Variants in OSBPL3 observed in about 807,000 individuals in gnomAD.
OSBPL3 encodes oxysterol-binding protein-related protein 3.
OSBPL3 carries 65 observed loss-of-function variants against 120.1 expected under a neutral mutation model. The ratio of observed to expected loss-of-function variants is 0.54; its 90% CI spans 0.44 to 0.67. The LOEUF is 0.67. Among genes scored for constraint, OSBPL3 ranks in the 30% least tolerant of loss-of-function variants. The pLI, the probability that OSBPL3 is intolerant of heterozygous loss-of-function variation, is 0.00. For missense variants in OSBPL3, 1,004 were observed against 1,082.1 expected, an observed-to-expected ratio of 0.93 and a Z score of 1.01; for synonymous variants, 416 against 402.6, an observed-to-expected ratio of 1.03 and a Z score of -0.40.
rs1280801159 is a variant in OSBPL3, at chr7:24,821,752, C to T, written c.1885-1514G>A. ...GCTGCTCTTTGGTTTGTCTTAGTTC[C>T]CATGTGCCTCCTAAGAACGTGAGCC... On this transcript the variant is annotated intron_variant, in intron 16 of 22. Coordinates refer to ENST00000313367, the MANE Select transcript of OSBPL3 (RefSeq NM_015550.4). The surrounding 1 kb of genome is among the most constrained non-coding windows in gnomAD (Gnocchi z 5.5). Among the ~76,000 whole-genome samples, 5 of 152,348 alleles carry T rather than the reference C, an allele frequency of 3.3e-5. No individual in the cohort carries two copies. The highest frequency in any genetic ancestry group is 7.3e-5 in the Non-Finnish European group (5 of 68,036).
At position 24,921,498 on chromosome 7, in the gene OSBPL3, C is replaced by A. The variant is rs544468373; in HGVS notation, c.-149-28877G>T. ...CGTTTGGTCATGTGCCCAGGCCAGC[C>A]CAGAGAGGCCTATGCAATGCACTTA... On this transcript the variant is annotated intron_variant, in intron 1 of 22. Transcript: ENST00000313367. Among the ~76,000 whole-genome samples the A allele has an allele frequency of 2.0e-5, 3 of 152,246 alleles. No individual in the cohort carries two copies. The South Asian group carries it at 6.2e-4, about 32-fold the overall frequency.
chr7:24,900,411 G>A lies in OSBPL3; in HGVS notation c.-149-7790C>T, dbSNP rs148285574. 1.0e-3 allele frequency among the ~76,000 whole-genome samples: 158 copies of A among 152,242 alleles called. No homozygotes were observed. The highest frequency in any genetic ancestry group is 3.0e-3 in the African/African-American group (126 of 41,536). On this transcript the variant is annotated intron_variant, in intron 1 of 22. Coordinates refer to ENST00000313367, the MANE Select transcript of OSBPL3 (RefSeq NM_015550.4). This position sits in a 1 kb window ranked among gnomAD's most constrained non-coding sequence, Gnocchi z 4.5. ...CCATTGTTTTTATCAATTAGCCTAC[G>A]GTAAAATTAGCTTCGTATATATCGT...
rs1256666367 is a variant in OSBPL3 at position 24,896,891 on chromosome 7, G to T, written c.-149-4270C>A. On this transcript the variant is annotated intron_variant, in intron 1 of 22. Transcript: ENST00000313367. The surrounding 1 kb of genome is among the most constrained non-coding windows in gnomAD (Gnocchi z 4.4). The stretch of plus-strand genomic sequence containing the variant: ...GTTCAAGACCAGCCTGGCCAACATG[G>T]TAAAACCCCATCTCTACTAAAAATA... 1.3e-5 allele frequency among the ~76,000 whole-genome samples: 2 copies of T among 152,132 alleles called. No individual in the cohort carries two copies. Among genetic ancestry groups the T allele is most frequent in the Non-Finnish European group, 2.9e-5 (2 of 68,032 alleles).
chr7:24,892,150 A>T (rs1584523999), intron 2 of OSBPL3, among the ~76,000 whole-genome samples: 1 of 152,290 alleles, frequency 6.6e-6, no homozygotes, highest in South Asian at 2.1e-4. Context: ...GGACAGTTGC[A>T]AGAATTAAAT....
rs1816148979 is a variant in OSBPL3 at position 24,964,419 on chromosome 7, C to T, written c.-150+15467G>A. Among the ~76,000 whole-genome samples the T allele has an allele frequency of 6.6e-6, 1 of 152,144 alleles. No homozygotes were observed. Among genetic ancestry groups the T allele is most frequent in the South Asian group, 2.1e-4 (1 of 4,828 alleles). On this transcript the variant is annotated intron_variant, in intron 1 of 22. Transcript: ENST00000313367. The surrounding 1 kb of genome is among the most constrained non-coding windows in gnomAD (Gnocchi z 4.2). The stretch of plus-strand genomic sequence containing the variant: ...TGATGTAATGAGAATGGCATTTTAC[C>T]TCTGTAATCTTCTTCCCCAAAACCC...
At chr7:24,837,898 G>A (rs1010187629) in intron 14 of OSBPL3, among the ~76,000 whole-genome samples, 3 of 152,134 alleles carry the variant, frequency 2.0e-5, no homozygotes, top group African/African-American at 7.2e-5. Flanking sequence ...ATAGAGACAG[G>A]TCCTAATATG....
chr7:24,844,852 G>A (rs1002833328), intron 12 of OSBPL3, among the ~76,000 whole-genome samples: 5 of 151,942 alleles, frequency 3.3e-5, no homozygotes, highest in African/African-American at 9.7e-5. Context: ...ATTTTATTTT[G>A]AAAAACTGGG....
intron 1 of OSBPL3, among the ~76,000 whole-genome samples, chr7:24,925,095 G>A (rs2128456524): frequency 6.6e-6 from 1 of 152,268 alleles, no homozygotes; most frequent in East Asian, 1.9e-4. Context: ...TAAATGACAT[G>A]ACCACAGAAT....
In OSBPL3 at chr7:24,900,098, T is replaced by C. The variant is rs1806769408; in HGVS notation, c.-149-7477A>G. ...AAGAGGGGCCCTAAGACTTGCAGCA[T>C]CATTATCACCTGGGACCTTGTTAGG... On this transcript the variant is annotated intron_variant, in intron 1 of 22. Transcript: ENST00000313367. The surrounding 1 kb of genome is among the most constrained non-coding windows in gnomAD (Gnocchi z 4.5). Among the ~76,000 whole-genome samples, 1 of 152,178 alleles carries C rather than the reference T, an allele frequency of 6.6e-6. No individual in the cohort carries two copies.
rs1050260691 is a variant in OSBPL3 at position 24,964,275 on chromosome 7, G to A, written c.-150+15611C>T. Among the ~76,000 whole-genome samples the A allele has an allele frequency of 1.3e-5, 2 of 152,152 alleles. No homozygotes were observed. Among genetic ancestry groups the A allele is most frequent in the East Asian group, 1.9e-4 (1 of 5,200 alleles). On this transcript the variant is annotated intron_variant, in intron 1 of 22. Coordinates refer to ENST00000313367, the MANE Select transcript of OSBPL3 (RefSeq NM_015550.4). This position sits in a 1 kb window ranked among gnomAD's most constrained non-coding sequence, Gnocchi z 4.2. ...ACTTACTTCCAAAGAGTATAGTATG[G>A]AAAGGCGAAGAAAAAATAACCATAT...
At chr7:24,944,484 G>A (rs1206751580) in intron 1 of OSBPL3, among the ~76,000 whole-genome samples, 1 of 152,040 alleles carries the variant, frequency 6.6e-6, no homozygotes, top group African/African-American at 2.4e-5. Context: ...AAAAAAATTA[G>A]CCGGGCATGG....
intron 1 of OSBPL3, among the ~76,000 whole-genome samples, chr7:24,945,235 A>G (rs577757393): frequency 1.7e-4 from 26 of 152,098 alleles, no homozygotes; most frequent in Non-Finnish European, 3.2e-4. Flanking sequence ...CAGGCTAAAC[A>G]TCTCCATTTA....
chr7:24,878,513 CT>C (rs1354236934), intron 2 of OSBPL3, among the ~76,000 whole-genome samples: 2 of 152,096 alleles, frequency 1.3e-5, no homozygotes, highest in Non-Finnish European at 2.9e-5. Flanking sequence ...TCAATATTAC[CT>C]TTTATGATTG....
rs886334329 is a variant in OSBPL3, at chr7:24,833,858, C to T, written c.1746+628G>A. On this transcript the variant is annotated intron_variant, in intron 15 of 22. Coordinates refer to ENST00000313367, the MANE Select transcript of OSBPL3 (RefSeq NM_015550.4). This position sits in a 1 kb window ranked among gnomAD's most constrained non-coding sequence, Gnocchi z 4.4. ...TGAGATGGGGGAAAGATGAGAAATA[C>T]TTGGAAGCCCTTTTAAAAGCCAGCA... Among the ~76,000 whole-genome samples, 3 of 152,180 alleles carry T rather than the reference C, an allele frequency of 2.0e-5. No individual in the cohort carries two copies. Among genetic ancestry groups the T allele is most frequent in the African/African-American group, 7.2e-5 (3 of 41,440 alleles).
chr7:24,979,819 C>G (rs1002977949), intron 1 of OSBPL3, 67 bp downstream of exon 1: 3 of 924,436 alleles, frequency 3.2e-6, no homozygotes, highest in Non-Finnish European at 3.9e-6. Flanking sequence ...GCAGCCCTTC[C>G]GAGCCCGCGC....
chr7:24,933,341 T>C lies in OSBPL3; in HGVS notation c.-149-40720A>G, dbSNP rs1298750826. Among the ~76,000 whole-genome samples the C allele has an allele frequency of 6.6e-6, 1 of 152,116 alleles. No homozygotes were observed. The highest frequency in any genetic ancestry group is 2.4e-5 in the African/African-American group (1 of 41,414). On this transcript the variant is annotated intron_variant, in intron 1 of 22. Coordinates refer to ENST00000313367, the MANE Select transcript of OSBPL3 (RefSeq NM_015550.4). The surrounding 1 kb of genome is among the most constrained non-coding windows in gnomAD (Gnocchi z 5.1). ...CAAAAAAAGAACCAACCCATGAAGG[T>C]AAAAAGCAACCTTGCCAACATACAC...
chr7:24,822,789 T>A lies in OSBPL3; in HGVS notation c.1885-2551A>T, dbSNP rs1434259429. 6.6e-6 allele frequency among the ~76,000 whole-genome samples: 1 copy of A among 152,228 alleles called. No individual in the cohort carries two copies. Reference sequence around the variant, plus strand: ...GAATTACAAGAGAACCCCTACAGTATACACACATCTCATAAAAACCCAACC... The same window carrying A: ...GAATTACAAGAGAACCCCTACAGTAAACACACATCTCATAAAAACCCAACC... On this transcript the variant is annotated intron_variant, in intron 16 of 22. Coordinates refer to ENST00000313367, the MANE Select transcript of OSBPL3 (RefSeq NM_015550.4). The surrounding 1 kb of genome is among the most constrained non-coding windows in gnomAD (Gnocchi z 5.8).
intron 2 of OSBPL3, among the ~76,000 whole-genome samples, chr7:24,882,899 C>T (rs1459642497): frequency 6.6e-6 from 1 of 152,028 alleles, no homozygotes; most frequent in African/African-American, 2.4e-5. Flanking sequence ...ATGTCCTTTG[C>T]TTGTTTTTTA....
chr7:24,868,922 A>G (rs1007682689), intron 5 of OSBPL3, among the ~76,000 whole-genome samples: 1 of 152,150 alleles, frequency 6.6e-6, no homozygotes, highest in African/African-American at 2.4e-5. Context: ...TTATTAAATA[A>G]CTGTCCAGGG....
Sources: gnomAD v4.1 joint callset for allele counts (sites outside exome capture counted in the v4.1 genomes callset) on GRCh38, gnomAD v4.1.1 for gene constraint, Gnocchi (gnomAD v3.1) non-coding constraint, MANE v1.5 for transcripts, NCBI Gene and HGNC (gene_info 2026-07-23, HGNC 2026-07-21) for gene names.